ZNF827: variants seen among roughly 807,000 people sequenced by gnomAD.
ZNF827 encodes the protein zinc finger protein 827.
A neutral mutation model predicts 102.4 loss-of-function variants in ZNF827; 13 were observed. The observed-to-expected ratio is 0.13, with a 90% CI of 0.08 to 0.20. The LOEUF is 0.20. Among genes scored for constraint, ZNF827 ranks in the 10% least tolerant of loss-of-function variants. ZNF827 has a pLI of 1.00. For synonymous variants in ZNF827, 523 were observed against 536.2 expected (o/e 0.98, Z 0.34); for missense variants, 1,103 against 1,344.4 (o/e 0.82, Z 2.81).
rs866982007 is a variant in ZNF827, at chr4:145,757,962, T to C, written c.*3654A>G. ...ACAACAATTGAAGTTAGTTGGTAGG[T>C]GAATTTCTCAAAGATGTTAGTGTTT... On this transcript the variant is annotated 3_prime_UTR_variant, in exon 15 of 15. Transcript: ENST00000508784. 1 of 152,202 alleles carries C rather than the reference T, an allele frequency of 6.6e-6. No individual in the cohort carries two copies. Among genetic ancestry groups the C allele is most frequent in the South Asian group, 2.1e-4 (1 of 4,836 alleles). The allele number at this position is 152,202 out of a possible 1,614,324, so 9.4% of individuals were successfully genotyped here. A position where few individuals can be genotyped will look rare whatever the true frequency, so the allele number is the denominator to read the frequency against.
At chr4:145,891,440 C>G (rs72954702) in intron 3 of ZNF827, among the ~76,000 whole-genome samples, 4,264 of 152,288 alleles carry the variant, frequency 0.028, 189 homozygotes, top group African/African-American at 0.096. Context: ...TGAGACAAAA[C>G]CCTTTGCATT....
At chr4:145,836,189 C>A (rs1386566158) in intron 7 of ZNF827, among the ~76,000 whole-genome samples, 1 of 151,466 alleles carries the variant, frequency 6.6e-6, no homozygotes, top group Admixed American at 6.6e-5. Flanking sequence ...CGGCATAATT[C>A]TCATAAAAAC....
At chr4:145,933,868 G>A (rs1022242181) in intron 1 of ZNF827, among the ~76,000 whole-genome samples, 2 of 151,538 alleles carry the variant, frequency 1.3e-5, no homozygotes, top group Non-Finnish European at 2.9e-5. Flanking sequence ...ATGTAAAACC[G>A]TTCATAAAGT....
intron 1 of ZNF827, among the ~76,000 whole-genome samples, chr4:145,909,410 C>G (rs1307639964): frequency 6.6e-6 from 1 of 152,238 alleles, no homozygotes; most frequent in Non-Finnish European, 1.5e-5. Context: ...CATCAGGGCT[C>G]TCTCTCATTC....
intron 3 of ZNF827, among the ~76,000 whole-genome samples, chr4:145,891,876 A>G (rs1750633706): frequency 6.6e-6 from 1 of 152,222 alleles, no homozygotes; most frequent in Non-Finnish European, 1.5e-5. Context: ...TGCTCAGTCC[A>G]GCAGCTCTTC....
intron 1 of ZNF827, among the ~76,000 whole-genome samples, chr4:145,937,567 C>T (rs1754296300): frequency 1.4e-5 from 2 of 146,556 alleles, no homozygotes; most frequent in African/African-American, 4.9e-5. Context: ...CCGGCCGCCC[C>T]GCGCCCCGGC....
intron 7 of ZNF827, among the ~76,000 whole-genome samples, chr4:145,833,689 C>A (rs905059995): frequency 6.6e-6 from 1 of 151,906 alleles, no homozygotes; most frequent in Admixed American, 6.6e-5. Context: ...GCACCCCAAC[C>A]TCGTATCTCT....
chr4:145,844,616 G>T (rs536939801), intron 7 of ZNF827, among the ~76,000 whole-genome samples: 105 of 151,348 alleles, frequency 6.9e-4, no homozygotes, highest in Non-Finnish European at 1.3e-3. Context: ...CAAAGTGGAG[G>T]CTGCAGTGAG....
intron 8 of ZNF827, among the ~76,000 whole-genome samples, chr4:145,781,228 G>A (rs202003219): frequency 0.044 from 4,213 of 96,222 alleles, no homozygotes; most frequent in Middle Eastern, 0.086. Context: ...GAAAAAAAAA[G>A]AAAAAAAAAA....
chr4:145,928,029 G>T (rs1405180276), intron 1 of ZNF827, among the ~76,000 whole-genome samples: 1 of 152,190 alleles, frequency 6.6e-6, no homozygotes, highest in East Asian at 1.9e-4. Context: ...CCTGCCTACT[G>T]TAGATTCCTT....
chr4:145,782,674 C>T (rs575077325), intron 8 of ZNF827, among the ~76,000 whole-genome samples: 1 of 152,312 alleles, frequency 6.6e-6, no homozygotes, highest in African/African-American at 2.4e-5. Context: ...TTCCGAGGCA[C>T]AAATCTCATC....
chr4:145,910,418 GACCCAAAACCATGCCAC>G (rs1752199090), intron 1 of ZNF827, among the ~76,000 whole-genome samples: 2 of 151,940 alleles, frequency 1.3e-5, no homozygotes, highest in South Asian at 4.2e-4. Flanking sequence ...CAATTACTTA[GACCCAAAACCATGCCAC>G]CTCCCTTGAC....
chr4:145,766,514 G>A (rs1735319196), intron 11 of ZNF827, among the ~76,000 whole-genome samples: 1 of 152,226 alleles, frequency 6.6e-6, no homozygotes, highest in African/African-American at 2.4e-5. Flanking sequence ...TCATTGCAGA[G>A]AGAAGGAACC....
chr4:145,898,181 C>T (rs1308662925), intron 2 of ZNF827, among the ~76,000 whole-genome samples: 5 of 152,118 alleles, frequency 3.3e-5, no homozygotes, highest in Admixed American at 1.3e-4. Context: ...ATAATAACCA[C>T]GGGCCTAATG....
chr4:145,876,441 A>G (rs1384016539), intron 4 of ZNF827: 1 of 152,222 alleles, frequency 6.6e-6, no homozygotes, highest in Non-Finnish European at 1.5e-5. Flanking sequence ...AAGTGTATCA[A>G]GTGTGCTTGG....
rs967864324 is a variant in ZNF827 at position 145,807,092 on chromosome 4, G to T, written c.2383+16330C>A. On this transcript the variant is annotated intron_variant, in intron 8 of 14. Transcript: ENST00000508784. The stretch of plus-strand genomic sequence containing the variant: ...CATCTTTATTAATAACTTACAGGAT[G>T]TGTAACTTTAACGTTTCTGAAATGA... Among the ~76,000 whole-genome samples the T allele has an allele frequency of 3.2e-4, 49 of 152,314 alleles. 2 individuals are homozygous for T. The South Asian group carries it at 0.01, about 32-fold the overall frequency.
At chr4:145,843,274 T>A (rs1201623966) in intron 7 of ZNF827, among the ~76,000 whole-genome samples, 1 of 150,392 alleles carries the variant, frequency 6.6e-6, no homozygotes, top group African/African-American at 2.4e-5. Context: ...AAGCCAAGAA[T>A]TCTTTAACAC....
intron 8 of ZNF827, among the ~76,000 whole-genome samples, chr4:145,784,754 C>T (rs1482529817): frequency 6.6e-6 from 1 of 152,162 alleles, no homozygotes; most frequent in Non-Finnish European, 1.5e-5. Flanking sequence ...CATCTTGATT[C>T]CCACATCCCT....
At chr4:145,904,317 T>C (rs951175852) in intron 1 of ZNF827, among the ~76,000 whole-genome samples, 9 of 152,164 alleles carry the variant, frequency 5.9e-5, no homozygotes, top group African/African-American at 1.4e-4. Context: ...GAGCTTACAT[T>C]CCAGTGGGGG....
Sources: allele counts gnomAD v4.1 joint callset (sites outside exome capture counted in the v4.1 genomes callset), GRCh38; gene constraint gnomAD v4.1.1; transcripts MANE v1.5; gene names NCBI Gene and HGNC (gene_info 2026-07-23, HGNC 2026-07-21).